Variants in KCNIP4 observed in about 807,000 individuals in gnomAD.
The protein encoded by KCNIP4 is potassium voltage-gated channel interacting protein 4.
Under a neutral mutation model 34.0 loss-of-function variants are expected in KCNIP4, and 12 were observed. That is an observed-to-expected ratio of 0.35 (90% confidence interval 0.23 to 0.57). KCNIP4 has a LOEUF of 0.57. Among genes scored for constraint, KCNIP4 ranks in the 20% least tolerant of loss-of-function variants. KCNIP4 has a pLI of 0.83. For synonymous variants in KCNIP4, 124 were observed against 102.2 expected (o/e 1.21, Z -1.29); for missense variants, 238 against 311.7 (o/e 0.76, Z 1.78).
At chr4:21,782,078 A>G (rs1377511078) in intron 1 of KCNIP4, among the ~76,000 whole-genome samples, 2 of 152,178 alleles carry the variant, frequency 1.3e-5, no homozygotes, top group East Asian at 3.9e-4. Flanking sequence ...AAATTATAAT[A>G]AAAGACTTAA....
intron 3 of KCNIP4, among the ~76,000 whole-genome samples, chr4:20,780,416 C>T (rs1203251837): frequency 1.3e-5 from 2 of 152,152 alleles, no homozygotes; most frequent in Non-Finnish European, 2.9e-5. Context: ...ATATTACTGT[C>T]AAGCCAATGA....
chr4:21,815,740 C>G (rs1721951263), intron 1 of KCNIP4, among the ~76,000 whole-genome samples: 1 of 152,022 alleles, frequency 6.6e-6, no homozygotes, highest in Non-Finnish European at 1.5e-5. Context: ...AAATATTATT[C>G]TAGTATACTT....
chr4:21,046,391 C>G (rs1288799391), intron 1 of KCNIP4, among the ~76,000 whole-genome samples: 1 of 152,142 alleles, frequency 6.6e-6, no homozygotes, highest in Non-Finnish European at 1.5e-5. Flanking sequence ...ACATCCTTTT[C>G]TCCGCCCAAT....
intron 1 of KCNIP4, among the ~76,000 whole-genome samples, chr4:20,919,002 C>T (rs944182097): frequency 6.6e-6 from 1 of 151,966 alleles, no homozygotes; most frequent in African/African-American, 2.4e-5. Flanking sequence ...GTATAAAGGC[C>T]CAATGGTAAG....
intron 1 of KCNIP4, among the ~76,000 whole-genome samples, chr4:21,369,518 A>G (rs1463108593): frequency 6.8e-6 from 1 of 146,782 alleles, no homozygotes; most frequent in Non-Finnish European, 1.5e-5. Context: ...GGTCTCAGGA[A>G]CCCAGGAGGT....
chr4:21,497,659 T>C (rs773578098), intron 1 of KCNIP4, among the ~76,000 whole-genome samples: 1 of 152,174 alleles, frequency 6.6e-6, no homozygotes, highest in Non-Finnish European at 1.5e-5. Context: ...GAAGAGTATG[T>C]CTCAAACTGT....
intron 1 of KCNIP4, among the ~76,000 whole-genome samples, chr4:21,450,640 A>G (rs575353256): frequency 6.6e-5 from 10 of 152,244 alleles, no homozygotes; most frequent in African/African-American, 1.9e-4. Context: ...AGCTTGTAGT[A>G]TATTTGAATT....
chr4:20,820,324 C>G (rs2149444242), intron 3 of KCNIP4, among the ~76,000 whole-genome samples: 1 of 152,270 alleles, frequency 6.6e-6, no homozygotes, highest in African/African-American at 2.4e-5. Context: ...GCTGAATTGT[C>G]TGTGTCTTAG....
chr4:21,939,505 C>A (rs1021600947), intron 1 of KCNIP4, among the ~76,000 whole-genome samples: 1 of 152,086 alleles, frequency 6.6e-6, no homozygotes, highest in African/African-American at 2.4e-5. Flanking sequence ...GTTCTGGCTT[C>A]CTTTTTCCAT....
chr4:21,479,324 TA>T (rs1438190687), intron 1 of KCNIP4, among the ~76,000 whole-genome samples: 1 of 152,188 alleles, frequency 6.6e-6, no homozygotes, highest in African/African-American at 2.4e-5. Flanking sequence ...TGAGGAAAGC[TA>T]AAAACAATTT....
At chr4:21,289,512 C>T (rs537613351) in intron 1 of KCNIP4, among the ~76,000 whole-genome samples, 3 of 152,054 alleles carry the variant, frequency 2.0e-5, no homozygotes, top group African/African-American at 7.2e-5. Flanking sequence ...AATCTAAGTC[C>T]CTTTTTTATT....
At chr4:20,966,299 G>A (rs1398875805) in intron 1 of KCNIP4, among the ~76,000 whole-genome samples, 1 of 152,124 alleles carries the variant, frequency 6.6e-6, no homozygotes, top group Non-Finnish European at 1.5e-5. Flanking sequence ...TTCTGTGACA[G>A]GCCATTAATA....
At chr4:21,227,686 A>C (rs757686368) in intron 1 of KCNIP4, among the ~76,000 whole-genome samples, 15 of 152,128 alleles carry the variant, frequency 9.9e-5, no homozygotes, top group Non-Finnish European at 1.6e-4. Context: ...AAAACAAAAC[A>C]AAACAAAAAG....
At chr4:21,593,632 T>A (rs544154662) in intron 1 of KCNIP4, among the ~76,000 whole-genome samples, 1 of 152,140 alleles carries the variant, frequency 6.6e-6, no homozygotes, top group Admixed American at 6.6e-5. Flanking sequence ...TCTCCCACCC[T>A]CCTTATTGCC....
At chr4:21,139,227 T>G (rs993528442) in intron 1 of KCNIP4, among the ~76,000 whole-genome samples, 1 of 152,178 alleles carries the variant, frequency 6.6e-6, no homozygotes, top group Non-Finnish European at 1.5e-5. Context: ...CTGCCATAGG[T>G]GCATTACTCG....
At chr4:21,800,631 G>A (rs1345389717) in intron 1 of KCNIP4, among the ~76,000 whole-genome samples, 1 of 152,138 alleles carries the variant, frequency 6.6e-6, no homozygotes, top group Admixed American at 6.5e-5. Context: ...TGTTTTCGAT[G>A]AATGGTTTCT....
At chr4:21,307,943 A>G (rs1217199493) in intron 1 of KCNIP4, among the ~76,000 whole-genome samples, 2 of 152,226 alleles carry the variant, frequency 1.3e-5, no homozygotes, top group Non-Finnish European at 1.5e-5. Context: ...TGCCCAAAAT[A>G]TCTTAAAATC....
chr4:21,508,819 G>A (rs540449324), intron 1 of KCNIP4, among the ~76,000 whole-genome samples: 1 of 152,274 alleles, frequency 6.6e-6, no homozygotes, highest in South Asian at 2.1e-4. Flanking sequence ...ATTGTTGTGA[G>A]CTGATCAACT....
chr4:21,022,011 GT>G (rs906096765), intron 1 of KCNIP4, among the ~76,000 whole-genome samples: 6 of 152,048 alleles, frequency 3.9e-5, no homozygotes, highest in African/African-American at 1.2e-4. Flanking sequence ...AGCACAGTAG[GT>G]TTTTTTACAC....
Sources: allele counts gnomAD v4.1 joint callset (sites outside exome capture counted in the v4.1 genomes callset), GRCh38; gene constraint gnomAD v4.1.1; transcripts MANE v1.5; gene names NCBI Gene and HGNC (gene_info 2026-07-23, HGNC 2026-07-21).